The following SGTA variants were observed in gnomAD, a reference collection of about 807,000 sequenced individuals.
SGTA encodes small glutamine rich tetratricopeptide repeat co-chaperone alpha, also known as small glutamine-rich tetratricopeptide repeat-containing protein alpha.
In SGTA, 22 loss-of-function variants were observed where a neutral mutation model predicts 44.3. That is an observed-to-expected ratio of 0.50 (90% CI 0.36 to 0.71). The LOEUF is 0.71. Among genes scored for constraint, SGTA ranks in the 30% least tolerant of loss-of-function variants. The pLI is 0.00. For missense variants in SGTA, 341 were observed against 435.9 expected, an observed-to-expected ratio of 0.78 and a Z score of 1.94; for synonymous variants, 174 against 177.6, an observed-to-expected ratio of 0.98 and a Z score of 0.16.
At chr19:2,757,582 T>C (rs1325113410) in intron 10 of SGTA, 111 bp downstream of exon 10, 56 of 1,466,246 alleles carry the variant, frequency 3.8e-5, no homozygotes, top group African/African-American at 5.6e-5. Context: ...TGGAGGACGC[T>C]GGGCCCTTCG....
At position 2,755,923 on chromosome 19, in the gene SGTA, AC is replaced by A; in HGVS notation, c.*16del. 1 of 985,944 alleles carries A rather than the reference AC, an allele frequency of 1.0e-6. No individual in the cohort carries two copies. The highest frequency in any genetic ancestry group is 1.2e-6 in the Non-Finnish European group (1 of 830,280). The allele number at this position is 985,944 out of a possible 1,614,324, so 61.1% of individuals were successfully genotyped here. A position where few individuals can be genotyped will look rare whatever the true frequency, so the allele number is the denominator to read the frequency against. On this transcript the variant is annotated 3_prime_UTR_variant, in exon 12 of 12. Transcript: ENST00000221566. This position sits in a 1 kb window ranked among gnomAD's most constrained non-coding sequence, Gnocchi z 5.2. ...GTCGGCCAGGGAAGGACGCGGTCACACCGGGAGCAGCTGGAAGGGGACAGAC... is the reference window on the plus strand; with the variant it reads ...GTCGGCCAGGGAAGGACGCGGTCACACGGGAGCAGCTGGAAGGGGACAGAC...
At position 2,757,438 on chromosome 19, in the gene SGTA, G is replaced by A; in HGVS notation, c.847C>T (p.Gln283Ter). The change falls in exon 11 of 12, where the codon CAG becomes TAG. Residue 283 changes from glutamine to a stop codon, truncating the protein, a stop_gained. Coordinates refer to ENST00000221566, the MANE Select transcript of SGTA (RefSeq NM_003021.4). LOFTEE classifies it high-confidence loss of function. ...LIQAGQQFAQ[Q>*]MQQQNPELIE... The stretch of plus-strand genomic sequence containing the variant: ...AACTCTGGGTTCTGCTGCTGCATCT[G>A]CTGGGCAAACTGCTGGCCCCTGCGG... 6.2e-7 allele frequency: 1 copy of A among 1,608,866 alleles called. No individual in the cohort carries two copies.
chr19:2,765,066 G>GGT lies in SGTA; in HGVS notation c.392+118_392+119dup, dbSNP rs1352150611. The GGT allele has an allele frequency of 4.0e-5, 28 of 693,692 alleles. No individual in the cohort carries two copies. The East Asian group carries it at 6.2e-4, about 15-fold the overall frequency. 43.0% of individuals were successfully genotyped at this position (693,692 alleles called of 1,614,324 possible). Reference sequence around the variant, plus strand: ...TGCTCGCTCCTGGTCTGAGACCACCGGTGAATGGATCCCTCATCTACAGCG... The same window carrying GGT: ...TGCTCGCTCCTGGTCTGAGACCACCGGTGTGAATGGATCCCTCATCTACAGCG... On this transcript the variant is annotated intron_variant, in intron 5 of 11. Transcript: ENST00000221566. The surrounding 1 kb of genome is among the most constrained non-coding windows in gnomAD (Gnocchi z 5.5).
chr19:2,757,243 C>T (rs905027733), intron 11 of SGTA, 94 bp downstream of exon 11: 20 of 1,447,822 alleles, frequency 1.4e-5, no homozygotes, highest in East Asian at 7.3e-5. Context: ...CCACAGCCCC[C>T]GGGCGTCACT....
chr19:2,767,112 GT>G lies in SGTA; in HGVS notation c.292+23del. 6.4e-7 allele frequency: 1 copy of G among 1,569,436 alleles called. No homozygotes were observed. Among genetic ancestry groups the G allele is most frequent in the Non-Finnish European group, 8.7e-7 (1 of 1,145,410 alleles). ...GGAGTCCAGGTAGGGCGAGGTGTCT[GT>G]GGGGATGGAGGTCCTCCCTTACCTT... On this transcript the variant is annotated intron_variant, in intron 4 of 11. Transcript: ENST00000221566. This position sits in a 1 kb window ranked among gnomAD's most constrained non-coding sequence, Gnocchi z 7.3.
intron 9 of SGTA, among the ~76,000 whole-genome samples, chr19:2,758,338 G>T (rs969190403): frequency 6.6e-6 from 1 of 152,138 alleles, no homozygotes; most frequent in Non-Finnish European, 1.5e-5. Flanking sequence ...AGACCAGCCT[G>T]GCCAACATGG....
At position 2,761,324 on chromosome 19, in the gene SGTA, C is replaced by T; in HGVS notation, c.699+136G>A. On this transcript the variant is annotated intron_variant, in intron 8 of 11. Coordinates refer to ENST00000221566, the MANE Select transcript of SGTA (RefSeq NM_003021.4). This position sits in a 1 kb window ranked among gnomAD's most constrained non-coding sequence, Gnocchi z 5.7. ...GCGCCCTGCGGTGCCCAGGACGACC[C>T]CACAGACAAGACCCATCTGGTTCCA... is the stretch of plus-strand genomic sequence containing the variant. 1.2e-6 allele frequency: 1 copy of T among 835,906 alleles called. No homozygotes were observed. The allele number at this position is 835,906 out of a possible 1,614,324, so 51.8% of individuals were successfully genotyped here.
At chr19:2,758,516 CAAA>C (rs11400903) in intron 9 of SGTA, among the ~76,000 whole-genome samples, 1 of 135,436 alleles carries the variant, frequency 7.4e-6, no homozygotes, top group Non-Finnish European at 1.6e-5. Context: ...GATTCTGTCT[CAAA>C]AAAAAAAAAA....
intron 1 of SGTA, among the ~76,000 whole-genome samples, chr19:2,775,416 G>A (rs1043196908): frequency 5.9e-5 from 9 of 152,246 alleles, no homozygotes; most frequent in Non-Finnish European, 1.0e-4. Context: ...AGTGGCTGAC[G>A]TCAGACTCAG....
chr19:2,780,224 G>C lies in SGTA; in HGVS notation c.-24+3009C>G, dbSNP rs559898277. 3.7e-4 allele frequency among the ~76,000 whole-genome samples: 57 copies of C among 152,248 alleles called. 1 individual carries two copies. The East Asian group carries it at 0.01, about 27-fold the overall frequency. ...CCTCACACCCCAGTAGGAAGGGCCC[G>C]CTCTTACCCACTACCTTCTGTGAAC... On this transcript the variant is annotated intron_variant, in intron 1 of 11. Coordinates refer to ENST00000221566, the MANE Select transcript of SGTA (RefSeq NM_003021.4).
intron 9 of SGTA, among the ~76,000 whole-genome samples, chr19:2,758,224 C>A (rs536775124): frequency 7.2e-5 from 11 of 152,276 alleles, no homozygotes. Flanking sequence ...GGCTGGGAAA[C>A]CATGCTTTAA....
chr19:2,771,282 G>A (rs188054951), intron 1 of SGTA, among the ~76,000 whole-genome samples: 28 of 152,274 alleles, frequency 1.8e-4, no homozygotes, highest in African/African-American at 6.0e-4. Context: ...AAAATTAGCT[G>A]GCATGGTGGC....
rs1217187129 is a variant in SGTA, at chr19:2,763,844, C to T, written c.393-87G>A. On this transcript the variant is annotated intron_variant, in intron 5 of 11. Coordinates refer to ENST00000221566, the MANE Select transcript of SGTA (RefSeq NM_003021.4). This position sits in a 1 kb window ranked among gnomAD's most constrained non-coding sequence, Gnocchi z 5.8. Reference sequence around the variant, plus strand: ...TGAGGGGAGCCTGAGAGCTGCGTTCCTCTCCAACTTCCTGGAGGAACGGCC... The same window carrying T: ...TGAGGGGAGCCTGAGAGCTGCGTTCTTCTCCAACTTCCTGGAGGAACGGCC... The T allele has an allele frequency of 4.0e-6, 4 of 1,005,670 alleles. No individual in the cohort carries two copies. Among genetic ancestry groups the T allele is most frequent in the African/African-American group, 1.6e-5 (1 of 62,208 alleles). 62.3% of individuals were successfully genotyped at this position (1,005,670 alleles called of 1,614,324 possible). A position where few individuals can be genotyped will look rare whatever the true frequency, so the allele number is the denominator to read the frequency against.
At chr19:2,762,683 C>G in intron 6 of SGTA, 39 bp from the exon 7 acceptor site, 1 of 1,609,822 alleles carries the variant, frequency 6.2e-7, no homozygotes. Context: ...TCCCATCTGC[C>G]CAGCTCCAGG....
chr19:2,771,118 G>A (rs1034376215), intron 1 of SGTA, among the ~76,000 whole-genome samples: 5 of 152,208 alleles, frequency 3.3e-5, no homozygotes, highest in African/African-American at 4.8e-5. Flanking sequence ...GGCGCCCTGC[G>A]ATATCTGTTG....
chr19:2,758,267 A>G (rs1457892024), intron 9 of SGTA, among the ~76,000 whole-genome samples: 2 of 152,192 alleles, frequency 1.3e-5, no homozygotes, highest in Non-Finnish European at 2.9e-5. Context: ...GGTGGCTCAC[A>G]CCTGTCATCC....
rs946587586 is a variant in SGTA, at chr19:2,757,219, T to C, written c.*6+118A>G. 2.6e-5 allele frequency: 33 copies of C among 1,262,126 alleles called. No individual in the cohort carries two copies. In the South Asian group the frequency reaches 4.5e-4, roughly 17 times the overall value. The allele number at this position is 1,262,126 out of a possible 1,614,324, so 78.2% of individuals were successfully genotyped here. A position where few individuals can be genotyped will look rare whatever the true frequency, so the allele number is the denominator to read the frequency against. On this transcript the variant is annotated intron_variant, in intron 11 of 11. Coordinates refer to ENST00000221566, the MANE Select transcript of SGTA (RefSeq NM_003021.4). ...GATGCACCCAGGACTCGCTGTCCAG[T>C]GTCCAGACAGGCTCCACAGCCCCCG...
At chr19:2,775,636 C>T (rs1371837083) in intron 1 of SGTA, among the ~76,000 whole-genome samples, 1 of 152,152 alleles carries the variant, frequency 6.6e-6, no homozygotes, top group African/African-American at 2.4e-5. Flanking sequence ...CCAGGACAGG[C>T]CCATCCAGAG....
Position 2,761,403 on chromosome 19 carries a change from T to C in SGTA, c.699+57A>G. ...CCTGGCCAGTAGCGGACACAGCAGA[T>C]GCGGGCCTGGGGGGTGGCGCAGACA... On this transcript the variant is annotated intron_variant, in intron 8 of 11. Coordinates refer to ENST00000221566, the MANE Select transcript of SGTA (RefSeq NM_003021.4). The surrounding 1 kb of genome is among the most constrained non-coding windows in gnomAD (Gnocchi z 5.7). The C allele has an allele frequency of 1.4e-6, 2 of 1,434,860 alleles. No homozygotes were observed. The highest frequency in any genetic ancestry group is 1.2e-5 in the South Asian group (1 of 81,732). 88.9% of individuals were successfully genotyped at this position (1,434,860 alleles called of 1,614,324 possible). A position where few individuals can be genotyped will look rare whatever the true frequency, so the allele number is the denominator to read the frequency against.
Sources: allele counts gnomAD v4.1 joint callset (sites outside exome capture counted in the v4.1 genomes callset), GRCh38; gene constraint gnomAD v4.1.1; non-coding constraint Gnocchi (gnomAD v3.1); transcripts MANE v1.5; gene names NCBI Gene and HGNC (gene_info 2026-07-23, HGNC 2026-07-21).